Variants in GRIK1 observed in about 807,000 individuals in gnomAD.
The protein encoded by GRIK1 is glutamate ionotropic receptor kainate type subunit 1, also known as glutamate receptor ionotropic, kainate 1.
Under a neutral mutation model 105.7 loss-of-function variants are expected in GRIK1, and 69 were observed. The observed-to-expected ratio is 0.65, with a 90% CI of 0.54 to 0.80. The LOEUF (loss-of-function observed/expected upper bound fraction) is 0.80, where lower values mean the gene tolerates loss of function less well. Ranked by LOEUF, GRIK1 falls within the 30% of genes least tolerant of loss-of-function variation. The pLI is 0.00. For missense variants in GRIK1, 1,109 were observed against 1,167.3 expected, an observed-to-expected ratio of 0.95 and a Z score of 0.73; for synonymous variants, 438 against 431.3, an observed-to-expected ratio of 1.02 and a Z score of -0.19.
chr21:29,892,738 G>C (rs139602173), intron 1 of GRIK1, among the ~76,000 whole-genome samples: 155 of 152,346 alleles, frequency 1.0e-3, no homozygotes, highest in African/African-American at 3.6e-3. Flanking sequence ...TGAGTTACGT[G>C]ATGACAGAAG....
intron 12 of GRIK1, among the ~76,000 whole-genome samples, chr21:29,586,218 G>A (rs1311750618): frequency 1.3e-5 from 2 of 152,200 alleles, no homozygotes; most frequent in South Asian, 2.1e-4. Context: ...TTTGGTAAGG[G>A]TACAGTTTAT....
chr21:29,580,089 GTATA>G (rs200371058), intron 13 of GRIK1, among the ~76,000 whole-genome samples: 1 of 143,396 alleles, frequency 7.0e-6, no homozygotes, highest in African/African-American at 2.6e-5. Flanking sequence ...ATATGTGTGT[GTATA>G]TATATGTGTG....
intron 1 of GRIK1, among the ~76,000 whole-genome samples, chr21:29,815,044 C>T (rs1187366344): frequency 1.3e-5 from 2 of 152,078 alleles, no homozygotes; most frequent in African/African-American, 4.8e-5. Context: ...GGAAATAATG[C>T]CTTGTTCCCA....
rs772443854 is a variant in GRIK1 at position 29,581,457 on chromosome 21, A to G, written c.1880T>C (p.Phe627Ser). 1 of 1,612,752 alleles carries G rather than the reference A, an allele frequency of 6.2e-7. No homozygotes were observed. Among genetic ancestry groups the G allele is most frequent in the Non-Finnish European group, 8.5e-7 (1 of 1,178,970 alleles). ...CATGAGAGCTCCAACTCCAAACCAG[A>G]AACTATTTAGTAAAGTAAAATTGTT... Reference protein sequence around the residue: ...VENNFTLLNSFWFGVGALMQQ... With the variant: ...VENNFTLLNSSWFGVGALMQQ... Residue 627 changes from phenylalanine (F) to serine (S), a missense_variant, in exon 13 of 18, where the codon TTC becomes TCC. Around this residue, in one of 5 missense-constraint regions of GRIK1, gnomAD observed 264 missense variants for 306.9 expected, o/e 0.86. Coordinates refer to ENST00000327783, the MANE Select transcript of GRIK1 (RefSeq NM_001330994.2).
intron 1 of GRIK1, among the ~76,000 whole-genome samples, chr21:29,749,528 T>C (rs146213622): frequency 2.1e-4 from 32 of 152,362 alleles, no homozygotes; most frequent in Non-Finnish European, 3.7e-4. Context: ...CCCTTGTTTA[T>C]AGCCATGGCT....
intron 1 of GRIK1, among the ~76,000 whole-genome samples, chr21:29,857,840 G>C (rs950763311): frequency 1.3e-5 from 2 of 152,088 alleles, no homozygotes; most frequent in Non-Finnish European, 2.9e-5. Context: ...CCTTCAGCTC[G>C]AACATCAAAC....
chr21:29,537,721 C>A, intron 17 of GRIK1, 77 bp downstream of exon 17: 1 of 815,630 alleles, frequency 1.2e-6, no homozygotes, highest in South Asian at 1.4e-5. Flanking sequence ...TCATTTCCCC[C>A]ACTGAGATGA....
intron 16 of GRIK1, among the ~76,000 whole-genome samples, chr21:29,540,970 A>ATTTTTT: frequency 7.4e-6 from 1 of 134,628 alleles, no homozygotes; most frequent in Admixed American, 7.4e-5. Flanking sequence ...CTTGCACTTG[A>ATTTTTT]TTTTTTTTTT....
At chr21:29,824,474 C>T (rs1045625606) in intron 1 of GRIK1, among the ~76,000 whole-genome samples, 3 of 151,750 alleles carry the variant, frequency 2.0e-5, no homozygotes, top group African/African-American at 4.8e-5. Context: ...GTGATAAGGA[C>T]GAAAAGAAGG....
chr21:29,848,755 G>GTGTATATATATATATATA (rs773386863), intron 1 of GRIK1, among the ~76,000 whole-genome samples: 12 of 91,206 alleles, frequency 1.3e-4, no homozygotes, highest in South Asian at 4.3e-4. Context: ...AGTTGTGTGT[G>GTGTATATATATATATATA]TATATATATA....
intron 7 of GRIK1, among the ~76,000 whole-genome samples, chr21:29,627,785 C>A (rs908864532): frequency 1.3e-5 from 2 of 152,158 alleles, no homozygotes; most frequent in African/African-American, 4.8e-5. Flanking sequence ...TTAAGGTAAT[C>A]ATTCATTTGG....
At chr21:29,604,896 T>C (rs549672264) in intron 7 of GRIK1, among the ~76,000 whole-genome samples, 1 of 152,346 alleles carries the variant, frequency 6.6e-6, no homozygotes, top group East Asian at 1.9e-4. Context: ...TTGTATATTC[T>C]TTCTCAAGAT....
chr21:29,868,652 C>A (rs78828556), intron 1 of GRIK1, among the ~76,000 whole-genome samples: 1 of 152,086 alleles, frequency 6.6e-6, no homozygotes, highest in Admixed American at 6.6e-5. Context: ...CTATCTCTTT[C>A]CTGCCTGGTC....
intron 1 of GRIK1, among the ~76,000 whole-genome samples, chr21:29,863,246 C>T (rs189487660): frequency 1.3e-5 from 2 of 151,992 alleles, no homozygotes; most frequent in African/African-American, 4.8e-5. Context: ...TCTTGATATC[C>T]GTTGCTAGAA....
intron 1 of GRIK1, among the ~76,000 whole-genome samples, chr21:29,705,977 G>GA (rs1192960113): frequency 2.6e-5 from 4 of 151,030 alleles, no homozygotes; most frequent in Non-Finnish European, 5.9e-5. Context: ...GGGTTCAAGC[G>GA]ATTCTCCTGC....
At chr21:29,694,653 C>T (rs1048970021) in intron 1 of GRIK1, among the ~76,000 whole-genome samples, 13 of 152,128 alleles carry the variant, frequency 8.5e-5, no homozygotes, top group Non-Finnish European at 1.8e-4. Context: ...AAAAGTGTAA[C>T]TGATAATATG....
At chr21:29,793,104 A>G (rs1363608412) in intron 1 of GRIK1, among the ~76,000 whole-genome samples, 7 of 152,180 alleles carry the variant, frequency 4.6e-5, no homozygotes, top group East Asian at 1.9e-4. Flanking sequence ...ATGGCCCAGA[A>G]AAAAACATAT....
intron 1 of GRIK1, among the ~76,000 whole-genome samples, chr21:29,752,376 A>G (rs2065228119): frequency 6.6e-6 from 1 of 152,218 alleles, no homozygotes; most frequent in Non-Finnish European, 1.5e-5. Context: ...TCTTACAAAA[A>G]ATTGTATTCT....
At chr21:29,815,971 A>C (rs953647987) in intron 1 of GRIK1, among the ~76,000 whole-genome samples, 23 of 152,110 alleles carry the variant, frequency 1.5e-4, no homozygotes, top group Admixed American at 2.0e-4. Context: ...AAACAAAAAA[A>C]CTGCACAGTA....
Sources: gnomAD v4.1 joint callset for allele counts (sites outside exome capture counted in the v4.1 genomes callset) on GRCh38, gnomAD v4.1.1 for gene constraint, gnomAD v4.1.1 regional missense constraint, MANE v1.5 for transcripts, NCBI Gene and HGNC (gene_info 2026-07-23, HGNC 2026-07-21) for gene names.